NAV2: variants seen among roughly 807,000 people sequenced by gnomAD.
NAV2 encodes the protein neuron navigator 2, also known as helicase, APC down-regulated 1.
Under a neutral mutation model 223.2 loss-of-function variants are expected in NAV2, and 54 were observed. The ratio of observed to expected loss-of-function variants is 0.24; its 90% CI spans 0.19 to 0.30. The LOEUF (loss-of-function observed/expected upper bound fraction) is 0.30, where lower values mean the gene tolerates loss of function less well. NAV2 is among the 10% of genes least tolerant of loss of function. NAV2 has a pLI of 1.00. For missense variants in NAV2, 2,806 were observed against 3,147.5 expected (o/e 0.89, Z 2.60); for synonymous variants, 1,279 against 1,239.3 (o/e 1.03, Z -0.67).
intron 6 of NAV2, among the ~76,000 whole-genome samples, chr11:19,893,460 G>A (rs925264764): frequency 2.0e-5 from 3 of 151,984 alleles, no homozygotes; most frequent in East Asian, 1.9e-4. Flanking sequence ...TTTCCCTGAC[G>A]TCCAGGAAAG....
chr11:19,595,339 G>C (rs181104240), intron 1 of NAV2, among the ~76,000 whole-genome samples: 9 of 152,300 alleles, frequency 5.9e-5, no homozygotes, highest in African/African-American at 2.2e-4. Flanking sequence ...TCTGTATGGG[G>C]CTTTGAGATT....
intron 1 of NAV2, among the ~76,000 whole-genome samples, chr11:19,470,587 A>G (rs1315133977): frequency 1.3e-5 from 2 of 152,188 alleles, no homozygotes; most frequent in Non-Finnish European, 2.9e-5. Context: ...TGACAATGAC[A>G]ATAATCTATC....
At chr11:19,462,312 G>T (rs187057049) in intron 1 of NAV2, among the ~76,000 whole-genome samples, 1 of 152,112 alleles carries the variant, frequency 6.6e-6, no homozygotes, top group Non-Finnish European at 1.5e-5. Context: ...CTTCCAGGAG[G>T]TACAACTACT....
chr11:19,385,886 C>T (rs562882285), intron 1 of NAV2, among the ~76,000 whole-genome samples: 7 of 151,734 alleles, frequency 4.6e-5, no homozygotes, highest in Non-Finnish European at 5.9e-5. Context: ...CTCAGCCTCC[C>T]GAGTAGCTGG....
At chr11:19,885,006 T>C (rs995520114) in intron 5 of NAV2, among the ~76,000 whole-genome samples, 2 of 152,198 alleles carry the variant, frequency 1.3e-5, no homozygotes, top group Admixed American at 1.3e-4. Context: ...AATTCAGACT[T>C]CAACCTGTCT....
chr11:19,906,176 A>G (rs1221207803), intron 6 of NAV2, among the ~76,000 whole-genome samples: 2 of 152,152 alleles, frequency 1.3e-5, no homozygotes, highest in African/African-American at 4.8e-5. Context: ...AATTCTCTAC[A>G]TGGTCTTTCA....
At chr11:19,896,179 G>T (rs2041970960) in intron 6 of NAV2, among the ~76,000 whole-genome samples, 1 of 152,074 alleles carries the variant, frequency 6.6e-6, no homozygotes. Flanking sequence ...AAAAGTAGTG[G>T]CAAAATACCT....
chr11:19,777,358 C>G (rs2056331356), intron 1 of NAV2: 1 of 390,516 alleles, frequency 2.6e-6, no homozygotes, highest in Non-Finnish European at 5.0e-6. Flanking sequence ...AGAGGAGACC[C>G]GGGACTGGAC....
chr11:20,064,276 T>C (rs1166532596), intron 20 of NAV2, among the ~76,000 whole-genome samples: 1 of 152,194 alleles, frequency 6.6e-6, no homozygotes, highest in Non-Finnish European at 1.5e-5. Context: ...ACTAGCACCA[T>C]GGATATACCA....
chr11:19,994,829 G>C (rs1282326389), intron 11 of NAV2, among the ~76,000 whole-genome samples: 1 of 152,188 alleles, frequency 6.6e-6, no homozygotes, highest in Non-Finnish European at 1.5e-5. Flanking sequence ...ACACCAGATA[G>C]AAGCTTTCAA....
intron 1 of NAV2, among the ~76,000 whole-genome samples, chr11:19,545,512 G>T (rs1017440335): frequency 1.4e-4 from 21 of 152,272 alleles, no homozygotes; most frequent in African/African-American, 4.8e-4. Flanking sequence ...TCACTTAAAG[G>T]GCTGGCATGG....
At chr11:19,648,661 C>A (rs77667017) in intron 1 of NAV2, among the ~76,000 whole-genome samples, 3,783 of 152,238 alleles carry the variant, frequency 0.025, 86 homozygotes, top group Non-Finnish European at 0.04. Context: ...GGTGATGGGG[C>A]CCCCTGAGAG....
rs75609940 is a variant in NAV2 at position 19,719,329 on chromosome 11, G to C, written c.267+5367G>C. 3.9e-3 allele frequency among the ~76,000 whole-genome samples: 588 copies of C among 152,290 alleles called. 25 individuals are homozygous for C. The East Asian group carries it at 0.078, about 20-fold the overall frequency. ...ATGGAAAACGGTCTGTGCATTTTTT[G>C]TGAGAAAGCAGAGGCCAAGGGAGGT... is the stretch of plus-strand genomic sequence containing the variant. On this transcript the variant is annotated intron_variant, in intron 1 of 37. Transcript: ENST00000349880.
Position 19,933,696 on chromosome 11 carries a change from C to T in NAV2, c.1452C>T (p.Gly484=). The T allele has an allele frequency of 6.2e-7, 1 of 1,614,062 alleles. No homozygotes were observed. The highest frequency in any genetic ancestry group is 8.5e-7 in the Non-Finnish European group (1 of 1,180,018). The part of the protein sequence containing the change: ...ALTNKKSSLK[G]NEKEKEKQQR... ...CCAACAAGAAGAGTTCTCTGAAAGGCAATGAGAAAGAGAAGGAGAAACAAC... is the reference window on the plus strand; with the variant it reads ...CCAACAAGAAGAGTTCTCTGAAAGGTAATGAGAAAGAGAAGGAGAAACAAC... Residue 484 remains glycine, a synonymous_variant, in exon 7 of 38, where the codon GGC becomes GGT. Transcript: ENST00000349880. The surrounding 1 kb of genome is among the most constrained non-coding windows in gnomAD (Gnocchi z 4.3).
At chr11:20,095,853 G>A in intron 30 of NAV2, 86 bp downstream of exon 30, 2 of 975,884 alleles carry the variant, frequency 2.0e-6, no homozygotes, top group Admixed American at 1.7e-5. Flanking sequence ...GATGTCCTGA[G>A]CTTGGCCATT....
At position 20,063,288 on chromosome 11, in the gene NAV2, C is replaced by T. The variant is rs541655814; in HGVS notation, c.4884+929C>T. Among the ~76,000 whole-genome samples the T allele has an allele frequency of 2.8e-4, 43 of 152,270 alleles. 1 individual carries two copies. Among genetic ancestry groups the T allele is most frequent in the Admixed American group, 1.8e-3 (28 of 15,294 alleles). ...TCATCCATGAGAGAGGTTTAGTAAACGAAAGCCAAATGTAATCAAATACAT... is the reference window on the plus strand; with the variant it reads ...TCATCCATGAGAGAGGTTTAGTAAATGAAAGCCAAATGTAATCAAATACAT... On this transcript the variant is annotated intron_variant, in intron 20 of 37. Coordinates refer to ENST00000349880, the MANE Select transcript of NAV2 (RefSeq NM_145117.5).
chr11:19,892,295 C>A, intron 5 of NAV2, 139 bp from the exon 6 acceptor site: 2 of 762,460 alleles, frequency 2.6e-6, no homozygotes, highest in South Asian at 5.1e-5. Flanking sequence ...AATGGTTCCA[C>A]CAAATTCTGT....
intron 1 of NAV2, among the ~76,000 whole-genome samples, chr11:19,622,316 A>G (rs1293459268): frequency 6.6e-6 from 1 of 151,998 alleles, no homozygotes; most frequent in African/African-American, 2.4e-5. Flanking sequence ...ATCCTTTTTA[A>G]CTTTCTATCT....
At chr11:19,409,148 C>G (rs1449945422) in intron 1 of NAV2, among the ~76,000 whole-genome samples, 1 of 152,066 alleles carries the variant, frequency 6.6e-6, no homozygotes, top group Non-Finnish European at 1.5e-5. Context: ...AAATCATTGG[C>G]CCACCCCATG....
Sources: gnomAD v4.1 joint callset for allele counts (sites outside exome capture counted in the v4.1 genomes callset) on GRCh38, gnomAD v4.1.1 for gene constraint, Gnocchi (gnomAD v3.1) non-coding constraint, MANE v1.5 for transcripts, NCBI Gene and HGNC (gene_info 2026-07-23, HGNC 2026-07-21) for gene names.